Variants in KIAA0825 observed in about 807,000 individuals in gnomAD.
KIAA0825 encodes uncharacterized protein KIAA0825.
KIAA0825 carries 119 observed loss-of-function variants against 147.6 expected under a neutral mutation model. The observed-to-expected ratio is 0.81, with a 90% CI of 0.69 to 0.94. The LOEUF (loss-of-function observed/expected upper bound fraction) is 0.94. Among genes scored for constraint, KIAA0825 ranks in the 40% least tolerant of loss-of-function variants. The pLI, the probability that KIAA0825 is intolerant of heterozygous loss-of-function variation, is 0.00. For missense variants in KIAA0825, 1,381 were observed against 1,472.7 expected, an observed-to-expected ratio of 0.94 and a Z score of 1.02; for synonymous variants, 470 against 518.1, an observed-to-expected ratio of 0.91 and a Z score of 1.26.
chr5:94,483,981 G>A (rs28694211), intron 6 of KIAA0825, among the ~76,000 whole-genome samples: 7,432 of 151,148 alleles, frequency 0.049, 590 homozygotes, highest in African/African-American at 0.17. Context: ...ATGGTATCAC[G>A]TAAAGGAGAA....
At position 94,520,513 on chromosome 5, in the gene KIAA0825, T is replaced by C. The variant is rs1767966821; in HGVS notation, c.705A>G (p.Ser235=). ...WNCFPSYNRD[S]NLDVIAHGYQ... ...ATCCATGAGCTATTACATCTAAATT[T>C]GAATCTCTGTTGTAAGAAGGAAAGC... The change falls in exon 5 of 21, where the codon TCA becomes TCG. Residue 235 remains serine, a synonymous_variant. Transcript: ENST00000682413. 1.9e-6 allele frequency: 3 copies of C among 1,613,106 alleles called. No individual in the cohort carries two copies. The Admixed American group carries it at 5.0e-5, about 27-fold the overall frequency.
chr5:94,536,349 G>A (rs1367284142), intron 3 of KIAA0825, among the ~76,000 whole-genome samples: 3 of 152,164 alleles, frequency 2.0e-5, no homozygotes, highest in African/African-American at 7.2e-5. Context: ...ACTGTGGTTT[G>A]CACATTTGTA....
intron 20 of KIAA0825, among the ~76,000 whole-genome samples, chr5:94,220,691 A>T (rs1773600300): frequency 6.6e-6 from 1 of 152,172 alleles, no homozygotes; most frequent in Non-Finnish European, 1.5e-5. Flanking sequence ...CTGAAACATC[A>T]TTATGTGGCA....
chr5:94,271,321 G>T (rs1562343257), intron 20 of KIAA0825, among the ~76,000 whole-genome samples: 1 of 152,050 alleles, frequency 6.6e-6, no homozygotes, highest in Non-Finnish European at 1.5e-5. Flanking sequence ...TCAACAAAGT[G>T]AAGAGACAAC....
chr5:94,555,898 T>C (rs1017724052), intron 2 of KIAA0825, among the ~76,000 whole-genome samples: 1 of 152,184 alleles, frequency 6.6e-6, no homozygotes, highest in Non-Finnish European at 1.5e-5. Context: ...ATGAGATTAA[T>C]GATATTAACT....
intron 12 of KIAA0825, among the ~76,000 whole-genome samples, chr5:94,457,847 C>A (rs1304209415): frequency 6.6e-6 from 1 of 152,152 alleles, no homozygotes; most frequent in African/African-American, 2.4e-5. Flanking sequence ...ATGGAATAAA[C>A]CTCCATGACT....
intron 18 of KIAA0825, among the ~76,000 whole-genome samples, chr5:94,391,062 T>G (rs1749828812): frequency 6.6e-6 from 1 of 152,216 alleles, no homozygotes; most frequent in Non-Finnish European, 1.5e-5. Flanking sequence ...ATTAATGAAT[T>G]TTCCTAGGTT....
chr5:94,414,493 C>G (rs1355211925), intron 15 of KIAA0825: 3 of 152,156 alleles, frequency 2.0e-5, no homozygotes, highest in African/African-American at 4.8e-5. Context: ...ATTTGTTGTA[C>G]TTATAGCTTT....
intron 2 of KIAA0825, chr5:94,569,789 G>A (rs190406796): frequency 9.2e-6 from 2 of 217,902 alleles, no homozygotes; most frequent in Non-Finnish European, 1.8e-5. Context: ...CTACCTCCAC[G>A]CTAACGGTGC....
chr5:94,442,268 C>G (rs1043197500), intron 13 of KIAA0825, among the ~76,000 whole-genome samples: 1 of 152,178 alleles, frequency 6.6e-6, no homozygotes, highest in Non-Finnish European at 1.5e-5. Flanking sequence ...GCACAAAATC[C>G]ATCAGCTTGT....
In KIAA0825 at chr5:94,152,850, AAAAAATTATAT is replaced by A. The variant is rs1766635736; in HGVS notation, c.*1146_*1156del. ...AAAAAAAAAAAAAAAAAAAAAAAAAAAAAAATTATATATATATATATATATATATATATATA... is the reference window on the plus strand; with the variant it reads ...AAAAAAAAAAAAAAAAAAAAAAAAAAATATATATATATATATATATATATA... On this transcript the variant is annotated 3_prime_UTR_variant, in exon 21 of 21. Transcript: ENST00000682413. 1.5e-4 allele frequency: 3 copies of A among 20,524 alleles called. No homozygotes were observed. The highest frequency in any genetic ancestry group is 5.0e-4 in the African/African-American group (3 of 5,986). The allele number at this position is 20,524 out of a possible 1,614,324, so 1.3% of individuals were successfully genotyped here. A position where few individuals can be genotyped will look rare whatever the true frequency, so the allele number is the denominator to read the frequency against.
intron 2 of KIAA0825, among the ~76,000 whole-genome samples, chr5:94,574,543 C>CAAAAAAAAAAAAAAAA (rs1181241238): frequency 2.4e-4 from 16 of 65,532 alleles, no homozygotes; most frequent in Non-Finnish European, 4.2e-4. Context: ...GACTCCATCT[C>CAAAAAAAAAAAAAAAA]AAAAAAAAAA....
intron 20 of KIAA0825, among the ~76,000 whole-genome samples, chr5:94,378,535 TTAAC>T (rs71862536): frequency 0.27 from 41,637 of 152,060 alleles, 7,190 homozygotes; most frequent in Admixed American, 0.38. Flanking sequence ...TTCCATGTCT[TTAAC>T]TATTGTGAAT....
intron 2 of KIAA0825, chr5:94,567,765 C>T (rs185207945): frequency 4.2e-4 from 65 of 153,228 alleles, no homozygotes; most frequent in Non-Finnish European, 7.0e-4. Flanking sequence ...GACTTTATTC[C>T]ACTACTAGGT....
chr5:94,278,040 C>T (rs1025187735), intron 20 of KIAA0825, among the ~76,000 whole-genome samples: 7 of 152,208 alleles, frequency 4.6e-5, no homozygotes, highest in East Asian at 3.9e-4. Context: ...CATGTTCTCA[C>T]GCATAAGTGG....
chr5:94,151,515 T>C lies in KIAA0825; in HGVS notation c.*2492A>G, dbSNP rs2149892851. Among the ~76,000 whole-genome samples the C allele has an allele frequency of 6.6e-6, 1 of 151,636 alleles. No individual in the cohort carries two copies. Among genetic ancestry groups the C allele is most frequent in the South Asian group, 2.1e-4 (1 of 4,800 alleles). ...TGACTTGTCACCTAATACTCTCAAT[T>C]ATAAACTTTATTGCACTTATGGCTA... On this transcript the variant is annotated 3_prime_UTR_variant, in exon 21 of 21. Transcript: ENST00000682413.
intron 20 of KIAA0825, among the ~76,000 whole-genome samples, chr5:94,170,949 G>C (rs1016613437): frequency 6.6e-6 from 1 of 152,188 alleles, no homozygotes; most frequent in East Asian, 1.9e-4. Context: ...GGTCAGAAAG[G>C]TCAAATGATT....
intron 2 of KIAA0825, among the ~76,000 whole-genome samples, chr5:94,577,725 T>A (rs570118479): frequency 1.6e-4 from 25 of 152,322 alleles, no homozygotes; most frequent in Admixed American, 1.4e-3. Context: ...CCCTAAAGAC[T>A]ATCATGATCA....
chr5:94,265,917 AT>A (rs1776722355), intron 20 of KIAA0825, among the ~76,000 whole-genome samples: 1 of 152,202 alleles, frequency 6.6e-6, no homozygotes, highest in Non-Finnish European at 1.5e-5. Context: ...AATATACATC[AT>A]TTTAATATTC....
Sources: allele counts gnomAD v4.1 joint callset (sites outside exome capture counted in the v4.1 genomes callset), GRCh38; gene constraint gnomAD v4.1.1; transcripts MANE v1.5; gene names NCBI Gene and HGNC (gene_info 2026-07-23, HGNC 2026-07-21).